ALX3: variants seen among roughly 807,000 people sequenced by gnomAD.
ALX3 encodes the protein homeobox protein aristaless-like 3.
A neutral mutation model predicts 26.3 loss-of-function variants in ALX3; 17 were observed. The ratio of observed to expected loss-of-function variants is 0.65; its 90% CI spans 0.44 to 0.97. The LOEUF is 0.97. Ranked by LOEUF, ALX3 falls within the 50% of genes least tolerant of loss-of-function variation. The pLI is 0.00. For synonymous variants in ALX3, 208 were observed against 201.4 expected, an observed-to-expected ratio of 1.03 and a Z score of -0.28; for missense variants, 461 against 466.5, an observed-to-expected ratio of 0.99 and a Z score of 0.11.
chr1:110,064,983 C>T (rs1653749015), intron 1 of ALX3, 80 bp from the exon 2 acceptor site: 2 of 1,350,054 alleles, frequency 1.5e-6, no homozygotes, highest in Non-Finnish European at 2.0e-6. Context: ...GGGGGAAGAA[C>T]ATTGACGCCT....
At chr1:110,069,800 A>C (rs1318052350) in intron 1 of ALX3, among the ~76,000 whole-genome samples, 1 of 152,166 alleles carries the variant, frequency 6.6e-6, no homozygotes, top group Non-Finnish European at 1.5e-5. Context: ...CTTCCTGTGA[A>C]GGCTAGGCCC....
intron 1 of ALX3, 115 bp downstream of exon 1, chr1:110,070,221 C>A: frequency 1.8e-5 from 21 of 1,176,850 alleles, no homozygotes; most frequent in Non-Finnish European, 2.2e-5. Context: ...GCGAGAGGGG[C>A]AAAAAGTTGA....
Position 110,070,609 on chromosome 1 carries a change from C to A in ALX3, c.4G>T (p.Asp2Tyr). 8.0e-7 allele frequency: 1 copy of A among 1,243,606 alleles called. No homozygotes were observed. 77.0% of individuals were successfully genotyped at this position (1,243,606 alleles called of 1,614,324 possible). A position where few individuals can be genotyped will look rare whatever the true frequency, so the allele number is the denominator to read the frequency against. Residue 2 changes from aspartate to tyrosine, a missense_variant, in exon 1 of 4, where the codon GAC becomes TAC. Transcript: ENST00000647563. M[D>Y]PEHCAPFRVG... ...CGGAAAGGCGCGCAGTGCTCGGGGT[C>A]CATGCCGGCTCAGGGCGCACAGGCC...
chr1:110,065,787 C>T (rs530882096), intron 1 of ALX3, among the ~76,000 whole-genome samples: 1 of 152,368 alleles, frequency 6.6e-6, no homozygotes, highest in South Asian at 2.1e-4. Context: ...TTTCCAGCAG[C>T]CCCACTCTGA....
chr1:110,070,522 T>C lies in ALX3; in HGVS notation c.91A>G (p.Thr31Ala), dbSNP rs1653894119. The change falls in exon 1 of 4, where the codon ACC becomes GCC. Residue 31 changes from threonine to alanine, a missense_variant. By Grantham distance (58) the Thr-to-Ala change is moderately conservative. This residue lies in a region of ALX3 where 241 missense variants were observed against 206.1 expected (regional missense o/e 1.17). Transcript: ENST00000647563. ...TGCAGGTGAGGCGCAGCGGCGGGGG[T>C]TCCCTGCGGGCCCGGAGGCTCGTCC... Reference protein sequence around the residue: ...SGDEPPGPQGTPAAAPHLHPA... With the variant: ...SGDEPPGPQGAPAAAPHLHPA... 1.6e-6 allele frequency: 2 copies of C among 1,280,976 alleles called. No homozygotes were observed. The highest frequency in any genetic ancestry group is 2.0e-6 in the Non-Finnish European group (2 of 1,015,026). The allele number at this position is 1,280,976 out of a possible 1,614,324, so 79.4% of individuals were successfully genotyped here.
chr1:110,067,194 G>A (rs1570939399), intron 1 of ALX3, among the ~76,000 whole-genome samples: 1 of 152,338 alleles, frequency 6.6e-6, no homozygotes, highest in Non-Finnish European at 1.5e-5. Context: ...ATGGAAGGCA[G>A]AAGCCAGGAA....
chr1:110,070,646 G>C lies in ALX3; in HGVS notation c.-34C>G, dbSNP rs1314101872. 2 of 1,200,736 alleles carry C rather than the reference G, an allele frequency of 1.7e-6. No individual in the cohort carries two copies. The highest frequency in any genetic ancestry group is 4.2e-5 in the South Asian group (1 of 23,962). 74.4% of individuals were successfully genotyped at this position (1,200,736 alleles called of 1,614,324 possible). A position where few individuals can be genotyped will look rare whatever the true frequency, so the allele number is the denominator to read the frequency against. On this transcript the variant is annotated 5_prime_UTR_variant, in exon 1 of 4. Transcript: ENST00000647563. ...AGGGCGCACAGGCCTCCGGGGCTCCGGGGCTCGCGCTGCCCGCGCCGCCTG... is the reference window on the plus strand; with the variant it reads ...AGGGCGCACAGGCCTCCGGGGCTCCCGGGCTCGCGCTGCCCGCGCCGCCTG...
intron 1 of ALX3, among the ~76,000 whole-genome samples, chr1:110,067,541 G>A (rs1653818819): frequency 6.6e-6 from 1 of 152,224 alleles, no homozygotes; most frequent in Non-Finnish European, 1.5e-5. Flanking sequence ...AGGAGTGCCA[G>A]AGCCCCTACC....
chr1:110,068,492 C>A (rs934567861), intron 1 of ALX3, among the ~76,000 whole-genome samples: 3 of 152,214 alleles, frequency 2.0e-5, no homozygotes, highest in Non-Finnish European at 4.4e-5. Flanking sequence ...TGCTCGCACC[C>A]GCCTGCCTCC....
chr1:110,069,717 G>A (rs971562505), intron 1 of ALX3, among the ~76,000 whole-genome samples: 1 of 152,212 alleles, frequency 6.6e-6, no homozygotes, highest in African/African-American at 2.4e-5. Flanking sequence ...CAGTTATTCC[G>A]TCTTGAGGAC....
In ALX3 at chr1:110,070,419, G is replaced by A. The variant is rs931112658; in HGVS notation, c.194C>T (p.Ala65Val). ...CTGCAGGTACTTGGCGGGCGGCTTGGCCGGCTCTGGGAGGTAGGGCTCCAG... is the reference window on the plus strand; with the variant it reads ...CTGCAGGTACTTGGCGGGCGGCTTGACCGGCTCTGGGAGGTAGGGCTCCAG... ...GPLEPYLPEP[A>V]KPPAKYLQDL... Residue 65 changes from alanine (A) to valine (V), a missense_variant, in exon 1 of 4, where the codon GCC (alanine) becomes GTC (valine). By Grantham distance (64) the Ala-to-Val change is moderately conservative (BLOSUM62 0). Transcript: ENST00000647563. 4.7e-6 allele frequency: 6 copies of A among 1,272,020 alleles called. No homozygotes were observed. The highest frequency in any genetic ancestry group is 4.6e-5 in the African/African-American group (3 of 65,928). The allele number at this position is 1,272,020 out of a possible 1,614,324, so 78.8% of individuals were successfully genotyped here.
At chr1:110,066,283 T>A (rs907523308) in intron 1 of ALX3, among the ~76,000 whole-genome samples, 1 of 152,188 alleles carries the variant, frequency 6.6e-6, no homozygotes, top group African/African-American at 2.4e-5. Context: ...GTGTGTGTCC[T>A]GGAGGACTGG....
intron 1 of ALX3, among the ~76,000 whole-genome samples, chr1:110,069,020 C>T (rs1276970373): frequency 6.6e-6 from 1 of 152,224 alleles, no homozygotes; most frequent in Admixed American, 6.5e-5. Flanking sequence ...TGGCTCCTGC[C>T]CGACGCGGAG....
In ALX3 at chr1:110,070,515, G is replaced by A; in HGVS notation, c.98C>T (p.Ala33Val). Reference sequence around the variant, plus strand: ...CGCGGGGTGCAGGTGAGGCGCAGCGGCGGGGGTTCCCTGCGGGCCCGGAGG... The same window carrying A: ...CGCGGGGTGCAGGTGAGGCGCAGCGACGGGGGTTCCCTGCGGGCCCGGAGG... ...DEPPGPQGTP[A>V]AAPHLHPAPP... is the part of the protein sequence containing the mutation. The change falls in exon 1 of 4, where the codon GCC (alanine) becomes GTC (valine). Residue 33 changes from alanine (A) to valine (V), a missense_variant. Physicochemically the swap from Ala to Val is moderately conservative, Grantham distance 64 (BLOSUM62 0). This residue lies in a region of ALX3 where 241 missense variants were observed against 206.1 expected (regional missense o/e 1.17). Transcript: ENST00000647563. 7.8e-7 allele frequency: 1 copy of A among 1,285,006 alleles called. No homozygotes were observed. Among genetic ancestry groups the A allele is most frequent in the East Asian group, 3.2e-5 (1 of 31,602 alleles). 79.6% of individuals were successfully genotyped at this position (1,285,006 alleles called of 1,614,324 possible).
Position 110,070,376 on chromosome 1 carries a change from C to T in ALX3, c.237G>A (p.Pro79=). The T allele has an allele frequency of 1.6e-6, 2 of 1,287,962 alleles. No homozygotes were observed. Among genetic ancestry groups the T allele is most frequent in the Non-Finnish European group, 2.0e-6 (2 of 1,017,922 alleles). 79.8% of individuals were successfully genotyped at this position (1,287,962 alleles called of 1,614,324 possible). Residue 79 remains proline (P), a synonymous_variant, in exon 1 of 4, where the codon CCG becomes CCA. Coordinates refer to ENST00000647563, the MANE Select transcript of ALX3 (RefSeq NM_006492.3). The stretch of plus-strand genomic sequence containing the variant: ...CGTAGAAGTGGCCGCCGTTGAGGGC[C>T]GGGCCGGGCCCGAGGTCCTGCAGGT... ...AKYLQDLGPG[P]ALNGGHFYEG...
chr1:110,062,647 A>AGTCACAACAGAAGAAAGCTGTGTGTGTGT (rs1557802233), intron 2 of ALX3: 1 of 48,110 alleles, frequency 2.1e-5, no homozygotes, highest in African/African-American at 1.1e-4. Flanking sequence ...GTGTGTGTGG[A>AGTCACAACAGAAGAAAGCTGTGTGTGTGT]GTAATCCGTC....
chr1:110,070,351 C>A lies in ALX3; in HGVS notation c.262G>T (p.Glu88Ter). 7.7e-7 allele frequency: 1 copy of A among 1,290,428 alleles called. No homozygotes were observed. The highest frequency in any genetic ancestry group is 9.8e-7 in the Non-Finnish European group (1 of 1,018,700). 79.9% of individuals were successfully genotyped at this position (1,290,428 alleles called of 1,614,324 possible). The change falls in exon 1 of 4, where the codon GAG (glutamate) becomes TAG (stop). Residue 88 changes from glutamate to a stop codon, truncating the protein, a stop_gained. Coordinates refer to ENST00000647563, the MANE Select transcript of ALX3 (RefSeq NM_006492.3). LOFTEE classifies it high-confidence loss of function. Reference sequence around the variant, plus strand: ...CGCGCGTTACCTTCCGCGGGGCCCTCGTAGAAGTGGCCGCCGTTGAGGGCC... The same window carrying A: ...CGCGCGTTACCTTCCGCGGGGCCCTAGTAGAAGTGGCCGCCGTTGAGGGCC... ...GPALNGGHFY[E>*]GPAEAEEKTS...
intron 1 of ALX3, among the ~76,000 whole-genome samples, chr1:110,066,870 G>A (rs1400872517): frequency 6.6e-6 from 1 of 152,090 alleles, no homozygotes; most frequent in Non-Finnish European, 1.5e-5. Flanking sequence ...TTGCGTTCCC[G>A]ACCTTGAGCC....
At chr1:110,064,485 C>G in intron 2 of ALX3, 102 bp downstream of exon 2, 1 of 1,407,088 alleles carries the variant, frequency 7.1e-7, no homozygotes, top group Admixed American at 2.0e-5. Flanking sequence ...AAAGGTAGCT[C>G]TGGGAGGCAC....
Sources: allele counts gnomAD v4.1 joint callset (sites outside exome capture counted in the v4.1 genomes callset), GRCh38; gene constraint gnomAD v4.1.1; regional missense constraint gnomAD v4.1.1; transcripts MANE v1.5; gene names NCBI Gene and HGNC (gene_info 2026-07-23, HGNC 2026-07-21).